The following RGS5 variants were observed in gnomAD, a reference collection of about 807,000 sequenced individuals.
The protein encoded by RGS5 is regulator of G-protein signalling 5.
RGS5 carries 20 observed loss-of-function variants against 18.9 expected under a neutral mutation model. The ratio of observed to expected loss-of-function variants is 1.06; its 90% confidence interval spans 0.74 to 1.54. The LOEUF is 1.54. Among genes scored for constraint, RGS5 ranks in the 40% most tolerant of loss-of-function variants. The pLI, the probability that RGS5 is intolerant of heterozygous loss-of-function variation, is 0.00. For synonymous variants in RGS5, 57 were observed against 76.2 expected, an observed-to-expected ratio of 0.75 and a Z score of 1.31; for missense variants, 201 against 211.8, an observed-to-expected ratio of 0.95 and a Z score of 0.32.
intron 1 of RGS5, among the ~76,000 whole-genome samples, chr1:163,313,997 ATATGTGTGTGTGTGTGTG>A (rs1388673547): frequency 1.3e-5 from 2 of 149,484 alleles, no homozygotes; most frequent in Non-Finnish European, 3.0e-5. Flanking sequence ...AATAAGATAT[ATATGTGTGTGTGTGTGTG>A]TGTGTGTGTG....
At chr1:163,208,778 T>A (rs1026120554) in intron 1 of RGS5, among the ~76,000 whole-genome samples, 5 of 152,106 alleles carry the variant, frequency 3.3e-5, no homozygotes, top group African/African-American at 1.2e-4. Context: ...ATATTAAATA[T>A]AAATATTTTT....
intron 2 of RGS5, among the ~76,000 whole-genome samples, chr1:163,164,614 A>C (rs6704267): frequency 0.36 from 55,213 of 152,036 alleles, 11,110 homozygotes; most frequent in Admixed American, 0.5. Context: ...TTACAGCATC[A>C]ATCCACCTTG....
chr1:163,163,625 C>T (rs1298810978), intron 2 of RGS5, among the ~76,000 whole-genome samples: 1 of 152,170 alleles, frequency 6.6e-6, no homozygotes, highest in Non-Finnish European at 1.5e-5. Flanking sequence ...AAGTGGAGAA[C>T]TGTTTTATGT....
At chr1:163,259,423 C>T (rs930139653) in intron 2 of RGS5, among the ~76,000 whole-genome samples, 3 of 152,040 alleles carry the variant, frequency 2.0e-5, no homozygotes, top group African/African-American at 7.2e-5. Context: ...CTCTGCTTCC[C>T]AAAGTGTTGG....
intron 2 of RGS5, among the ~76,000 whole-genome samples, chr1:163,262,866 C>A (rs192942061): frequency 2.0e-5 from 3 of 152,260 alleles, no homozygotes; most frequent in Admixed American, 2.0e-4. Flanking sequence ...CTGTTATTCA[C>A]ATCAAAGTTC....
intron 1 of RGS5, among the ~76,000 whole-genome samples, chr1:163,177,945 G>T (rs183138589): frequency 6.6e-6 from 1 of 152,158 alleles, no homozygotes; most frequent in Non-Finnish European, 1.5e-5. Flanking sequence ...AAATCACTGA[G>T]ATACGCCAGC....
chr1:163,231,851 C>T (rs1437742574), intron 2 of RGS5, among the ~76,000 whole-genome samples: 2 of 151,922 alleles, frequency 1.3e-5, no homozygotes, highest in Non-Finnish European at 2.9e-5. Context: ...AGGCCTTCCA[C>T]CTTTCCTTGT....
At chr1:163,302,313 ATAACT>A (rs146681610) in intron 2 of RGS5, among the ~76,000 whole-genome samples, 32,178 of 151,928 alleles carry the variant, frequency 0.21, 3,588 homozygotes, top group African/African-American at 0.3. Flanking sequence ...CAGATAGGAA[ATAACT>A]TAAGATCATA....
intron 2 of RGS5, among the ~76,000 whole-genome samples, chr1:163,282,049 A>C (rs373580049): frequency 3.1e-5 from 3 of 95,692 alleles, no homozygotes; most frequent in Admixed American, 3.0e-4. Flanking sequence ...ACGCGCGCGC[A>C]CACACACACA....
chr1:163,316,167 C>T (rs1284060544), intron 1 of RGS5, among the ~76,000 whole-genome samples: 1 of 152,082 alleles, frequency 6.6e-6, no homozygotes, highest in Non-Finnish European at 1.5e-5. Flanking sequence ...TTAAGATGTG[C>T]TTTCTGATAT....
chr1:163,285,775 TTC>T (rs140396614), intron 2 of RGS5, among the ~76,000 whole-genome samples: 26 of 148,476 alleles, frequency 1.8e-4, no homozygotes, highest in East Asian at 4.0e-4. Flanking sequence ...CACCTTCCCC[TTC>T]TCTCTCTCTC....
At chr1:163,270,173 C>T (rs1171220982) in intron 2 of RGS5, among the ~76,000 whole-genome samples, 1 of 151,994 alleles carries the variant, frequency 6.6e-6, no homozygotes, top group Non-Finnish European at 1.5e-5. Flanking sequence ...TCTAATCGCT[C>T]AGAGATGTTT....
intron 2 of RGS5, among the ~76,000 whole-genome samples, chr1:163,281,487 G>C (rs757184684): frequency 1.3e-5 from 2 of 151,936 alleles, no homozygotes; most frequent in Non-Finnish European, 2.9e-5. Flanking sequence ...GGCCAGCCAG[G>C]CTCCTTTAAA....
At chr1:163,299,475 T>G (rs537091323) in intron 2 of RGS5, among the ~76,000 whole-genome samples, 9 of 152,202 alleles carry the variant, frequency 5.9e-5, no homozygotes, top group Non-Finnish European at 1.0e-4. Flanking sequence ...CACCGTAAGC[T>G]AAATATATTG....
intron 4 of RGS5, among the ~76,000 whole-genome samples, chr1:163,150,161 C>G (rs1657315979): frequency 6.6e-6 from 1 of 152,168 alleles, no homozygotes; most frequent in Non-Finnish European, 1.5e-5. Context: ...TACTATTGTA[C>G]TCTTGCATAA....
chr1:163,216,786 T>C (rs1056042171), intron 1 of RGS5, among the ~76,000 whole-genome samples: 1 of 152,190 alleles, frequency 6.6e-6, no homozygotes, highest in East Asian at 1.9e-4. Context: ...CAGTTTGTGA[T>C]GGCCCTGAGA....
chr1:163,200,557 G>A (rs191316647), intron 1 of RGS5, among the ~76,000 whole-genome samples: 2 of 152,158 alleles, frequency 1.3e-5, no homozygotes, highest in African/African-American at 4.8e-5. Flanking sequence ...CCTTAGAATA[G>A]ACAGTGTTAG....
At chr1:163,230,675 T>A (rs986540497) in intron 2 of RGS5, among the ~76,000 whole-genome samples, 2 of 152,228 alleles carry the variant, frequency 1.3e-5, no homozygotes, top group Non-Finnish European at 2.9e-5. Flanking sequence ...ACTAAATTAC[T>A]TTTACCACTA....
chr1:163,297,880 C>T (rs748952835), intron 2 of RGS5, among the ~76,000 whole-genome samples: 46 of 152,164 alleles, frequency 3.0e-4, no homozygotes, highest in African/African-American at 6.5e-4. Flanking sequence ...TGAAGACATT[C>T]GTAACAATAA....
Sources: allele counts gnomAD v4.1 joint callset (sites outside exome capture counted in the v4.1 genomes callset), GRCh38; gene constraint gnomAD v4.1.1; transcripts MANE v1.5; gene names NCBI Gene and HGNC (gene_info 2026-07-23, HGNC 2026-07-21).